Variants in CHLSN observed in about 807,000 individuals in gnomAD.
CHLSN encodes the protein protein cholesin.
the CHLSN span, among the ~76,000 whole-genome samples, chr7:1,072,610 C>T: frequency 0.16 from 24,868 of 151,986 alleles, 2,157 homozygotes; most frequent in African/African-American, 0.18. Flanking sequence ...ACACCAGTGC[C>T]GCCAGCTAGG....
At chr7:1,105,015 T>C in the CHLSN span, among the ~76,000 whole-genome samples, 4 of 152,186 alleles carry the variant, frequency 2.6e-5, no homozygotes, top group African/African-American at 7.2e-5. Flanking sequence ...ATAATCGCAG[T>C]AGAAGAGAGG....
chr7:1,083,234 C>T, the CHLSN span, among the ~76,000 whole-genome samples: 1 of 152,256 alleles, frequency 6.6e-6, no homozygotes, highest in African/African-American at 2.4e-5. Flanking sequence ...GGCCAGCAGC[C>T]GCACGCGCCT....
the CHLSN span, chr7:1,057,825 G>T: frequency 1.3e-6 from 1 of 777,440 alleles, no homozygotes. Context: ...AGTCCACGTG[G>T]CACTGCAGAT....
chr7:1,053,338 A>T, the CHLSN span, among the ~76,000 whole-genome samples: 2 of 152,356 alleles, frequency 1.3e-5, no homozygotes, highest in Middle Eastern at 6.8e-3. Context: ...AGTAGAGCCC[A>T]GAACCTTGCG....
the CHLSN span, among the ~76,000 whole-genome samples, chr7:1,114,704 A>C: frequency 2.0e-5 from 3 of 152,202 alleles, no homozygotes; most frequent in Non-Finnish European, 4.4e-5. Flanking sequence ...CCAGCAAACC[A>C]GGGCTGACAA....
the CHLSN span, among the ~76,000 whole-genome samples, chr7:1,132,632 T>C: frequency 6.7e-6 from 1 of 149,106 alleles, no homozygotes; most frequent in Admixed American, 6.7e-5. Flanking sequence ...AAGTCGAGGT[T>C]GTAATAAGCC....
At chr7:1,082,908 C>T in the CHLSN span, among the ~76,000 whole-genome samples, 27 of 152,326 alleles carry the variant, frequency 1.8e-4, no homozygotes, top group East Asian at 3.1e-3. Flanking sequence ...CGATGTCTTA[C>T]GTTCAAACAG....
chr7:981,228 G>A, the CHLSN span, among the ~76,000 whole-genome samples: 1 of 151,334 alleles, frequency 6.6e-6, no homozygotes, highest in East Asian at 2.0e-4. Context: ...CACGGGCGAT[G>A]GAGGTTGCAG....
chr7:1,031,391 C>CGG, the CHLSN span, among the ~76,000 whole-genome samples: 134 of 74,180 alleles, frequency 1.8e-3, 2 homozygotes, highest in Admixed American at 4.6e-3. Flanking sequence ...CAGAGTGGTC[C>CGG]GGGGGGGCAG....
the CHLSN span, among the ~76,000 whole-genome samples, chr7:1,004,215 G>C: frequency 3.3e-5 from 5 of 152,132 alleles, no homozygotes; most frequent in Non-Finnish European, 7.4e-5. Flanking sequence ...GGGCCCCTGT[G>C]AGGTGCACCC....
chr7:1,115,847 C>T, the CHLSN span, among the ~76,000 whole-genome samples: 2 of 116,564 alleles, frequency 1.7e-5, no homozygotes, highest in Admixed American at 9.0e-5. Context: ...ATCACCGACG[C>T]CCACGCAGGA....
the CHLSN span, among the ~76,000 whole-genome samples, chr7:1,041,094 C>T: frequency 3.3e-5 from 5 of 152,214 alleles, no homozygotes; most frequent in African/African-American, 7.2e-5. Flanking sequence ...AGGCTGGAAG[C>T]TGTGCAGACG....
chr7:1,105,845 A>T, the CHLSN span, among the ~76,000 whole-genome samples: 1 of 152,228 alleles, frequency 6.6e-6, no homozygotes, highest in Non-Finnish European at 1.5e-5. Context: ...TACTTTTAAA[A>T]AGAGGAGGAA....
At chr7:1,110,531 A>G in the CHLSN span, among the ~76,000 whole-genome samples, 3 of 152,162 alleles carry the variant, frequency 2.0e-5, no homozygotes, top group African/African-American at 7.2e-5. Flanking sequence ...ACGTCTTCCC[A>G]TGGCTCCCGT....
the CHLSN span, among the ~76,000 whole-genome samples, chr7:1,070,577 C>T: frequency 4.7e-5 from 7 of 150,312 alleles, no homozygotes; most frequent in African/African-American, 1.5e-4. Flanking sequence ...CACGCAAACA[C>T]GCACACACGG....
At chr7:1,053,813 C>T in the CHLSN span, among the ~76,000 whole-genome samples, 68 of 152,202 alleles carry the variant, frequency 4.5e-4, no homozygotes, top group East Asian at 0.012. Flanking sequence ...GGCAACAGAG[C>T]GAGACTCCAT....
chr7:988,542 G>A, the CHLSN span: 2 of 1,597,214 alleles, frequency 1.3e-6, no homozygotes, highest in Non-Finnish European at 1.7e-6. Flanking sequence ...CGGCTGTGGT[G>A]GCTGCTCCTG....
chr7:1,071,315 TTAATA>T, the CHLSN span, among the ~76,000 whole-genome samples: 156 of 152,326 alleles, frequency 1.0e-3, no homozygotes, highest in Non-Finnish European at 2.1e-3. Context: ...GAAAGAAACT[TTAATA>T]AACGATGCAT....
the CHLSN span, among the ~76,000 whole-genome samples, chr7:1,098,070 G>A: frequency 2.6e-5 from 4 of 151,518 alleles, no homozygotes; most frequent in East Asian, 3.9e-4. Flanking sequence ...GGAATACCCC[G>A]GGAGATAAAA....
Sources: gnomAD v4.1 joint callset for allele counts (sites outside exome capture counted in the v4.1 genomes callset) on GRCh38, gnomAD v4.1.1 for gene constraint, MANE v1.5 for transcripts, NCBI Gene and HGNC (gene_info 2026-07-23, HGNC 2026-07-21) for gene names.